The following TTC28 variants were observed in gnomAD, a reference collection of about 807,000 sequenced individuals.
TTC28 encodes tetratricopeptide repeat protein 28.
TTC28 carries 61 observed loss-of-function variants against 198.0 expected under a neutral mutation model. That is an observed-to-expected ratio of 0.31 (90% CI 0.25 to 0.38). The LOEUF (loss-of-function observed/expected upper bound fraction) is 0.38. Among genes scored for constraint, TTC28 ranks in the 10% least tolerant of loss-of-function variants. The probability of loss-of-function intolerance (pLI) is 1.00; values close to 1 mark genes in which losing one functional copy is unlikely to be tolerated. For synonymous variants in TTC28, 1,171 were observed against 1,297.8 expected (o/e 0.90, Z 2.10); for missense variants, 2,678 against 3,164.0 (o/e 0.85, Z 3.69).
chr22:28,224,321 T>A (rs1385266865), intron 5 of TTC28, among the ~76,000 whole-genome samples: 1 of 152,174 alleles, frequency 6.6e-6, no homozygotes, highest in Admixed American at 6.5e-5. Context: ...CTGATGTTGC[T>A]GGTCCACAGA....
chr22:28,446,430 TAATCCCC>T (rs2047702210), intron 2 of TTC28, among the ~76,000 whole-genome samples: 1 of 152,170 alleles, frequency 6.6e-6, no homozygotes, highest in South Asian at 2.1e-4. Context: ...TGTTGAAATA[TAATCCCC>T]AATGTCAGAG....
intron 1 of TTC28, among the ~76,000 whole-genome samples, chr22:28,673,921 A>G (rs1164451000): frequency 2.0e-5 from 3 of 152,234 alleles, no homozygotes; most frequent in South Asian, 4.1e-4. Context: ...TAAAATAGCA[A>G]TAATTTAAAG....
chr22:28,023,851 C>A (rs1385272725), intron 13 of TTC28, among the ~76,000 whole-genome samples: 2 of 152,160 alleles, frequency 1.3e-5, no homozygotes, highest in Non-Finnish European at 2.9e-5. Context: ...AGACCCTGGG[C>A]AACTAACTTA....
intron 6 of TTC28, among the ~76,000 whole-genome samples, chr22:28,161,480 T>C (rs1921173199): frequency 6.6e-6 from 1 of 152,090 alleles, no homozygotes; most frequent in African/African-American, 2.4e-5. Flanking sequence ...AGACCATGAC[T>C]CTACTAAGAA....
intron 6 of TTC28, among the ~76,000 whole-genome samples, chr22:28,109,353 T>C (rs937996867): frequency 1.3e-5 from 2 of 152,094 alleles, no homozygotes; most frequent in African/African-American, 4.8e-5. Flanking sequence ...CAGGAAAAAA[T>C]GCTGCATGCT....
intron 2 of TTC28, among the ~76,000 whole-genome samples, chr22:28,570,671 T>A (rs993793751): frequency 1.3e-5 from 2 of 152,158 alleles, no homozygotes; most frequent in Non-Finnish European, 2.9e-5. Flanking sequence ...CCATGTAACA[T>A]GTACCCCCAA....
At chr22:28,400,015 C>T (rs965121205) in intron 2 of TTC28, among the ~76,000 whole-genome samples, 3 of 152,310 alleles carry the variant, frequency 2.0e-5, no homozygotes, top group African/African-American at 7.2e-5. Flanking sequence ...GTATGTATAT[C>T]CTACTAGTCT....
At chr22:28,463,971 C>T (rs2047985156) in intron 2 of TTC28, among the ~76,000 whole-genome samples, 2 of 151,868 alleles carry the variant, frequency 1.3e-5, no homozygotes, top group South Asian at 4.2e-4. Flanking sequence ...CAATGGGAAG[C>T]CACCTTAAAG....
At chr22:28,363,089 C>G (rs2046184480) in intron 2 of TTC28, among the ~76,000 whole-genome samples, 1 of 152,174 alleles carries the variant, frequency 6.6e-6, no homozygotes, top group African/African-American at 2.4e-5. Context: ...GGGAAAATGT[C>G]AGCCCTGGAG....
chr22:28,360,735 T>C (rs2046145794), intron 2 of TTC28, among the ~76,000 whole-genome samples: 1 of 152,236 alleles, frequency 6.6e-6, no homozygotes. Context: ...CACTTTACTT[T>C]ATTGTGCTTT....
intron 6 of TTC28, among the ~76,000 whole-genome samples, chr22:28,114,769 A>T (rs1489513351): frequency 2.0e-5 from 3 of 151,934 alleles, no homozygotes; most frequent in Admixed American, 6.6e-5. Flanking sequence ...TAATTTTTGT[A>T]GACATGGGAT....
intron 2 of TTC28, among the ~76,000 whole-genome samples, chr22:28,355,682 G>C (rs2046066711): frequency 6.6e-6 from 1 of 152,174 alleles, no homozygotes; most frequent in South Asian, 2.1e-4. Context: ...AGGAATCAAA[G>C]AATAGTAGTC....
chr22:27,989,092 G>C (rs780579501), intron 21 of TTC28, among the ~76,000 whole-genome samples: 3 of 152,204 alleles, frequency 2.0e-5, no homozygotes, highest in African/African-American at 4.8e-5. Context: ...GGCAGGAGGG[G>C]AGTGGCTCAC....
At chr22:28,548,559 C>T (rs905742556) in intron 2 of TTC28, among the ~76,000 whole-genome samples, 1 of 152,204 alleles carries the variant, frequency 6.6e-6, no homozygotes, top group East Asian at 1.9e-4. Context: ...AGCACCATTT[C>T]TTACTACCTA....
At chr22:28,122,245 G>A (rs1942807134) in intron 6 of TTC28, among the ~76,000 whole-genome samples, 1 of 152,162 alleles carries the variant, frequency 6.6e-6, no homozygotes, top group African/African-American at 2.4e-5. Context: ...AGCTTCAGCA[G>A]CAATGTTGTG....
intron 1 of TTC28, among the ~76,000 whole-genome samples, chr22:28,631,379 T>C (rs2051170975): frequency 6.6e-6 from 1 of 152,242 alleles, no homozygotes; most frequent in Admixed American, 6.5e-5. Context: ...GCAAAAACTA[T>C]TCAGCTGTAA....
chr22:28,541,033 A>G (rs1165032985), intron 2 of TTC28, among the ~76,000 whole-genome samples: 1 of 152,240 alleles, frequency 6.6e-6, no homozygotes, highest in African/African-American at 2.4e-5. Flanking sequence ...ACAGATCTGT[A>G]TTAAAAATTA....
At position 28,231,232 on chromosome 22, in the gene TTC28, G is replaced by C. The variant is rs150948735; in HGVS notation, c.933+64966C>G. ...GAAGAACCAACAGTCTACAGCAGGA[G>C]ATAGATATGTAAACAAATGCTTTAA... On this transcript the variant is annotated intron_variant, in intron 5 of 22. Coordinates refer to ENST00000397906, the MANE Select transcript of TTC28 (RefSeq NM_001145418.2). Among the ~76,000 whole-genome samples, 1,194 of 152,296 alleles carry C rather than the reference G, an allele frequency of 7.8e-3. 22 individuals are homozygous for C. Among genetic ancestry groups the C allele is most frequent in the African/African-American group, 0.027 (1,102 of 41,556 alleles).
At chr22:28,375,063 G>C (rs900675570) in intron 2 of TTC28, among the ~76,000 whole-genome samples, 1 of 151,626 alleles carries the variant, frequency 6.6e-6, no homozygotes, top group Non-Finnish European at 1.5e-5. Context: ...ACTCCAGCCT[G>C]GATGGCAGAA....
Sources: allele counts gnomAD v4.1 joint callset (sites outside exome capture counted in the v4.1 genomes callset), GRCh38; gene constraint gnomAD v4.1.1; transcripts MANE v1.5; gene names NCBI Gene and HGNC (gene_info 2026-07-23, HGNC 2026-07-21).